Variants in MATN2 observed in about 807,000 individuals in gnomAD.
MATN2 encodes matrilin-2.
Under a neutral mutation model 103.2 loss-of-function variants are expected in MATN2, and 69 were observed. The ratio of observed to expected loss-of-function variants is 0.67; its 90% CI spans 0.55 to 0.82. MATN2 has a LOEUF of 0.82. MATN2 is among the 40% of genes least tolerant of loss of function. The pLI is 0.00. For missense variants in MATN2, 1,023 were observed against 1,211.5 expected, an observed-to-expected ratio of 0.84 and a Z score of 2.31; for synonymous variants, 429 against 450.2, an observed-to-expected ratio of 0.95 and a Z score of 0.60.
Position 98,027,164 on chromosome 8 carries a change from C to A in MATN2, c.1943-252C>A, listed in dbSNP as rs111418469. On this transcript the variant is annotated intron_variant, in intron 13 of 18. Transcript: ENST00000254898. ...TACAATGTAGACTTGGTTTCCTAGACAATTGTATATCTGCCGTTTTGCTTG... is the reference window on the plus strand; with the variant it reads ...TACAATGTAGACTTGGTTTCCTAGAAAATTGTATATCTGCCGTTTTGCTTG... Among the ~76,000 whole-genome samples, 188 of 152,086 alleles carry A rather than the reference C, an allele frequency of 1.2e-3. 1 individual carries two copies. The highest frequency in any genetic ancestry group is 4.4e-3 in the African/African-American group (181 of 41,478).
intron 1 of MATN2, among the ~76,000 whole-genome samples, chr8:97,881,465 C>G (rs1363145116): frequency 6.6e-6 from 1 of 152,192 alleles, no homozygotes; most frequent in African/African-American, 2.4e-5. Flanking sequence ...TCTCTCTTCC[C>G]CCACCCCCTT....
chr8:97,979,167 T>C (rs188506812), intron 6 of MATN2, among the ~76,000 whole-genome samples, 159 bp downstream of exon 6: 401 of 152,354 alleles, frequency 2.6e-3, no homozygotes, highest in Non-Finnish European at 3.9e-3. Context: ...CTTTCATGAC[T>C]TGGCTTAAGA....
chr8:97,975,828 C>G lies in MATN2; in HGVS notation c.959-3058C>G, dbSNP rs143938244. Among the ~76,000 whole-genome samples the G allele has an allele frequency of 5.4e-4, 83 of 152,296 alleles. 1 individual carries two copies. The East Asian group carries it at 0.012, about 22-fold the overall frequency. On this transcript the variant is annotated intron_variant, in intron 5 of 18. Transcript: ENST00000254898. Reference sequence around the variant, plus strand: ...AACTCCTGTGACAAACAGACTGGACCGTGTGCCAGGGTTTAGCCTTCCTCG... The same window carrying G: ...AACTCCTGTGACAAACAGACTGGACGGTGTGCCAGGGTTTAGCCTTCCTCG...
Position 98,027,636 on chromosome 8 carries a change from C to T in MATN2, c.2163C>T (p.Ala721=), listed in dbSNP as rs376653466. 6.3e-5 allele frequency: 101 copies of T among 1,613,682 alleles called. No homozygotes were observed. The African/African-American group carries it at 1.1e-3, about 18-fold the overall frequency. ...ACTCAGCCAAAGACATGAAAAAAGC[C>T]GTGGCCCACATGAAATACATGGGAA... The part of the protein sequence containing the change: ...NFNSAKDMKK[A]VAHMKYMGKG... Residue 721 remains alanine (A), a synonymous_variant, in exon 14 of 19, where the codon GCC becomes GCT. Transcript: ENST00000254898.
intron 10 of MATN2, among the ~76,000 whole-genome samples, chr8:98,012,555 G>A (rs934219255): frequency 6.6e-6 from 1 of 152,152 alleles, no homozygotes; most frequent in South Asian, 2.1e-4. Context: ...CTGAGTACGG[G>A]GTACTGAATG....
intron 1 of MATN2, among the ~76,000 whole-genome samples, chr8:97,885,285 A>G (rs1425244515): frequency 6.6e-6 from 1 of 152,216 alleles, no homozygotes; most frequent in East Asian, 1.9e-4. Flanking sequence ...AAAATCATAA[A>G]TCACATATAA....
At chr8:97,889,734 C>T (rs1040975322) in intron 2 of MATN2, among the ~76,000 whole-genome samples, 14 of 152,124 alleles carry the variant, frequency 9.2e-5, no homozygotes, top group East Asian at 1.9e-4. Flanking sequence ...TGAGCCACTA[C>T]GCATGGCCAA....
At chr8:97,922,635 G>A (rs140419807) in intron 2 of MATN2, among the ~76,000 whole-genome samples, 3,068 of 152,216 alleles carry the variant, frequency 0.02, 34 homozygotes, top group Middle Eastern at 0.058. Flanking sequence ...CAGGCTGAGG[G>A]GGACAGGGCC....
intron 2 of MATN2, among the ~76,000 whole-genome samples, chr8:97,893,844 C>G (rs1160135015): frequency 2.0e-5 from 3 of 152,168 alleles, no homozygotes. Flanking sequence ...CACCCGGCCC[C>G]CAGTGTATTC....
intron 5 of MATN2, among the ~76,000 whole-genome samples, chr8:97,970,407 T>C (rs1182450381): frequency 6.6e-6 from 1 of 152,178 alleles, no homozygotes; most frequent in Non-Finnish European, 1.5e-5. Flanking sequence ...AAGTCCTGCC[T>C]CCTACCTCAC....
At chr8:97,964,209 A>G (rs1017457571) in intron 5 of MATN2, among the ~76,000 whole-genome samples, 3 of 152,176 alleles carry the variant, frequency 2.0e-5, no homozygotes, top group Non-Finnish European at 4.4e-5. Flanking sequence ...GGCCAAACTG[A>G]AAGTTAACCA....
chr8:97,955,898 T>G (rs529184074), intron 4 of MATN2, among the ~76,000 whole-genome samples: 76 of 152,342 alleles, frequency 5.0e-4, no homozygotes, highest in South Asian at 1.9e-3. Flanking sequence ...GTTCCCTAAC[T>G]GTCATGACAG....
intron 2 of MATN2, among the ~76,000 whole-genome samples, chr8:97,916,929 G>GTTTTTCCTTTACTTT: frequency 6.6e-6 from 1 of 152,104 alleles, no homozygotes; most frequent in Non-Finnish European, 1.5e-5. Flanking sequence ...GATGTGGCGT[G>GTTTTTCCTTTACTTT]TTTTTCCTTT....
chr8:98,018,169 T>G (rs761806754), intron 12 of MATN2, 53 bp downstream of exon 12: 2 of 1,606,642 alleles, frequency 1.2e-6, no homozygotes, highest in Admixed American at 3.4e-5. Context: ...CTCAGACAGT[T>G]AGAGAAGTTC....
intron 2 of MATN2, among the ~76,000 whole-genome samples, chr8:97,902,004 C>T (rs138893337): frequency 3.7e-4 from 56 of 152,010 alleles, no homozygotes; most frequent in East Asian, 1.9e-3. Flanking sequence ...TACTGAGTTA[C>T]GTTTTAATAG....
At chr8:97,957,215 G>C (rs919284397) in intron 4 of MATN2, among the ~76,000 whole-genome samples, 2 of 152,222 alleles carry the variant, frequency 1.3e-5, no homozygotes, top group Admixed American at 6.5e-5. Flanking sequence ...AGGTGGAGAA[G>C]GTGGAAGGCT....
intron 12 of MATN2, among the ~76,000 whole-genome samples, chr8:98,019,182 T>G (rs1205994189): frequency 6.6e-6 from 1 of 151,718 alleles, no homozygotes; most frequent in African/African-American, 2.4e-5. Context: ...CTATCTTCTA[T>G]TAATATATCA....
At chr8:97,908,981 C>T (rs1361265836) in intron 2 of MATN2, among the ~76,000 whole-genome samples, 2 of 152,082 alleles carry the variant, frequency 1.3e-5, no homozygotes, top group Admixed American at 1.3e-4. Context: ...CTCTGTTGCC[C>T]AGGCTGGAGG....
intron 2 of MATN2, among the ~76,000 whole-genome samples, chr8:97,905,621 T>C (rs779871758): frequency 1.3e-5 from 2 of 152,196 alleles, no homozygotes; most frequent in South Asian, 2.1e-4. Context: ...CGGCCACAGG[T>C]TGTTTTCACC....
Sources: allele counts gnomAD v4.1 joint callset (sites outside exome capture counted in the v4.1 genomes callset), GRCh38; gene constraint gnomAD v4.1.1; transcripts MANE v1.5; gene names NCBI Gene and HGNC (gene_info 2026-07-23, HGNC 2026-07-21).